SEC63: variants seen among roughly 807,000 people sequenced by gnomAD.
SEC63 encodes the protein SEC63 protein translocation regulator.
A neutral mutation model predicts 116.2 loss-of-function variants in SEC63; 56 were observed. That is an observed-to-expected ratio of 0.48 (90% CI 0.39 to 0.60). The LOEUF is 0.60. SEC63 is among the 20% of genes least tolerant of loss of function. SEC63 has a pLI of 0.00. For synonymous variants in SEC63, 273 were observed against 294.6 expected, an observed-to-expected ratio of 0.93 and a Z score of 0.75; for missense variants, 668 against 900.0, an observed-to-expected ratio of 0.74 and a Z score of 3.30.
chr6:107,912,266 A>G (rs573969627), intron 6 of SEC63, among the ~76,000 whole-genome samples: 2 of 152,334 alleles, frequency 1.3e-5, no homozygotes, highest in South Asian at 4.1e-4. Flanking sequence ...CATATGGAAT[A>G]TATACAATTC....
chr6:107,956,046 GA>G, intron 1 of SEC63: 1 of 400,672 alleles, frequency 2.5e-6, no homozygotes, highest in Non-Finnish European at 5.1e-6. Flanking sequence ...TCGGGGGGCT[GA>G]AGCGGGAGGA....
At chr6:107,922,901 G>A (rs12660790) in intron 3 of SEC63, among the ~76,000 whole-genome samples, 4 of 151,976 alleles carry the variant, frequency 2.6e-5, no homozygotes, top group East Asian at 3.9e-4. Flanking sequence ...TGCCATGGGG[G>A]AGAAAATAGA....
At chr6:107,945,622 G>C (rs1054283475) in intron 1 of SEC63, among the ~76,000 whole-genome samples, 1 of 151,680 alleles carries the variant, frequency 6.6e-6, no homozygotes, top group Non-Finnish European at 1.5e-5. Context: ...CTTTTTAAAA[G>C]AATGAACAGC....
Position 107,883,148 on chromosome 6 carries a change from TA to T in SEC63, c.1675-3del, listed in dbSNP as rs1446036211. The T allele has an allele frequency of 6.2e-7, 1 of 1,611,636 alleles. No individual in the cohort carries two copies. Among genetic ancestry groups the T allele is most frequent in the Admixed American group, 1.7e-5 (1 of 59,948 alleles). ...TTCATCTTCCTTTACTGCAGCTTCC[TA>T]AAAGGGAAAGGCAAACACAAAGATT... On this transcript the variant is annotated splice_region_variant and splice_polypyrimidine_tract_variant and intron_variant, in intron 16 of 20. Transcript: ENST00000369002.
At chr6:107,895,562 A>G (rs901925620) in intron 14 of SEC63, among the ~76,000 whole-genome samples, 3 of 151,994 alleles carry the variant, frequency 2.0e-5, no homozygotes, top group Non-Finnish European at 4.4e-5. Context: ...AAAAATATAT[A>G]TATGTTTTTC....
At chr6:107,904,202 G>A (rs1262652164) in intron 11 of SEC63, among the ~76,000 whole-genome samples, 1 of 151,052 alleles carries the variant, frequency 6.6e-6, no homozygotes, top group Non-Finnish European at 1.5e-5. Flanking sequence ...ACGAGGTCAG[G>A]AGATGGAGAC....
At chr6:107,919,433 G>A (rs1583756095) in intron 4 of SEC63, among the ~76,000 whole-genome samples, 1 of 152,222 alleles carries the variant, frequency 6.6e-6, no homozygotes, top group Non-Finnish European at 1.5e-5. Context: ...TGAAGATGCT[G>A]TGAACATTGT....
chr6:107,877,071 G>GTATATATATATATATATATATATA (rs1554231968), intron 18 of SEC63: 5 of 34,480 alleles, frequency 1.5e-4, no homozygotes, highest in African/African-American at 4.6e-4. Context: ...ATATGTGTGT[G>GTATATATATATATATATATATATA]TATATATATA....
In SEC63 at chr6:107,881,169, A is replaced by G; in HGVS notation, c.1915T>C (p.Tyr639His). The stretch of plus-strand genomic sequence containing the variant: ...CTCACCTCAGGAAAGTAAAGGCTAT[A>G]CACAGGATGTGTTATTTTTGATTTG... ...ETKSKITHPV[Y>H]SLYFPEEKQE... Residue 639 changes from tyrosine to histidine, a missense_variant, in exon 18 of 21, where the codon TAT becomes CAT. Tyr to His is a moderately conservative substitution (Grantham distance 83). Around this residue, in one of 5 missense-constraint regions of SEC63, gnomAD observed 430 missense variants for 557.5 expected, o/e 0.77. Transcript: ENST00000369002. 1 of 1,610,614 alleles carries G rather than the reference A, an allele frequency of 6.2e-7. No individual in the cohort carries two copies. The highest frequency in any genetic ancestry group is 1.7e-5 in the Admixed American group (1 of 60,010).
At position 107,897,772 on chromosome 6, in the gene SEC63, C is replaced by G. The variant is rs1429015452; in HGVS notation, c.1358-41G>C. On this transcript the variant is annotated intron_variant, in intron 13 of 20. Coordinates refer to ENST00000369002, the MANE Select transcript of SEC63 (RefSeq NM_007214.5). ...AAAAAAAACAGCAAAAAATAAAAAT[C>G]AAGTTCTATGTTAATGCAAACAGCA... 3.6e-6 allele frequency: 5 copies of G among 1,381,844 alleles called. No individual in the cohort carries two copies. In the South Asian group the frequency reaches 5.8e-5, roughly 16 times the overall value. The allele number at this position is 1,381,844 out of a possible 1,614,324, so 85.6% of individuals were successfully genotyped here. A position where few individuals can be genotyped will look rare whatever the true frequency, so the allele number is the denominator to read the frequency against.
At chr6:107,884,306 A>C (rs1281419239) in intron 16 of SEC63, among the ~76,000 whole-genome samples, 2 of 151,808 alleles carry the variant, frequency 1.3e-5, no homozygotes, top group Non-Finnish European at 2.9e-5. Context: ...TTAAAACTAA[A>C]AGTTGGTTCT....
intron 1 of SEC63, among the ~76,000 whole-genome samples, chr6:107,940,919 C>T (rs1583774255): frequency 1.3e-5 from 2 of 152,142 alleles, no homozygotes; most frequent in Middle Eastern, 3.4e-3. Context: ...TAGCTCTGTC[C>T]TCCTATTTTT....
chr6:107,916,572 G>A (rs367960363), intron 4 of SEC63, among the ~76,000 whole-genome samples: 61 of 152,266 alleles, frequency 4.0e-4, no homozygotes, highest in African/African-American at 1.3e-3. Flanking sequence ...GCAGATAATC[G>A]TGTTTTTCTG....
At chr6:107,927,359 C>A (rs1488832864) in intron 2 of SEC63, among the ~76,000 whole-genome samples, 2 of 152,158 alleles carry the variant, frequency 1.3e-5, no homozygotes, top group African/African-American at 4.8e-5. Flanking sequence ...AGCCACCACG[C>A]CCAGCCTGAA....
intron 1 of SEC63, among the ~76,000 whole-genome samples, chr6:107,947,260 G>A (rs1770497004): frequency 6.6e-6 from 1 of 152,086 alleles, no homozygotes; most frequent in Non-Finnish European, 1.5e-5. Flanking sequence ...TTGTGCTACT[G>A]CACTCCAGCC....
intron 1 of SEC63, among the ~76,000 whole-genome samples, chr6:107,931,111 C>T (rs564465469): frequency 6.3e-4 from 95 of 151,916 alleles, no homozygotes; most frequent in African/African-American, 2.1e-3. Flanking sequence ...AGGCGGATCA[C>T]GAGGTCAGGA....
At chr6:107,953,619 G>A (rs1217011227) in intron 1 of SEC63, among the ~76,000 whole-genome samples, 1 of 146,478 alleles carries the variant, frequency 6.8e-6, no homozygotes, top group Admixed American at 6.7e-5. Flanking sequence ...GGAGGTGAGG[G>A]GCGCCTCTGC....
chr6:107,888,910 T>C (rs1032839164), intron 16 of SEC63, among the ~76,000 whole-genome samples: 1 of 152,248 alleles, frequency 6.6e-6, no homozygotes, highest in Non-Finnish European at 1.5e-5. Flanking sequence ...TTGCATATGT[T>C]GAACCAGCCT....
In SEC63 at chr6:107,954,495, AAAG is replaced by A. The variant is rs1232950290; in HGVS notation, c.124+3388_124+3390del. ...AAAAAAAAAAATCAAAAAAAAAAAA[AAAG>A]AATTTTTCAGATTTTAGAAAAGTAA... On this transcript the variant is annotated intron_variant, in intron 1 of 20. Transcript: ENST00000369002. 1.2e-4 allele frequency: 19 copies of A among 152,666 alleles called. No homozygotes were observed. The East Asian group carries it at 3.6e-3, about 29-fold the overall frequency. The allele number at this position is 152,666 out of a possible 1,614,324, so 9.5% of individuals were successfully genotyped here.
Sources: gnomAD v4.1 joint callset for allele counts (sites outside exome capture counted in the v4.1 genomes callset) on GRCh38, gnomAD v4.1.1 for gene constraint, gnomAD v4.1.1 regional missense constraint, MANE v1.5 for transcripts, NCBI Gene and HGNC (gene_info 2026-07-23, HGNC 2026-07-21) for gene names.